GALNT18: variants seen among roughly 807,000 people sequenced by gnomAD.
The protein encoded by GALNT18 is GalNAc-transferase 18.
In GALNT18, 44 loss-of-function variants were observed where a neutral mutation model predicts 69.5. The ratio of observed to expected loss-of-function variants is 0.63; its 90% CI spans 0.50 to 0.81. GALNT18 has a LOEUF of 0.81. Among genes scored for constraint, GALNT18 ranks in the 40% least tolerant of loss-of-function variants. The probability of loss-of-function intolerance (pLI) is 0.00; values close to 1 mark genes in which losing one functional copy is unlikely to be tolerated. For synonymous variants in GALNT18, 364 were observed against 318.2 expected (o/e 1.14, Z -1.53); for missense variants, 715 against 810.0 (o/e 0.88, Z 1.42).
intron 3 of GALNT18, among the ~76,000 whole-genome samples, chr11:11,384,344 T>A (rs1426971872): frequency 1.3e-5 from 2 of 152,114 alleles, no homozygotes; most frequent in African/African-American, 2.4e-5. Context: ...TTCTTCACAG[T>A]TCTGGAGCCT....
At chr11:11,344,226 C>G (rs1463759267) in intron 6 of GALNT18, among the ~76,000 whole-genome samples, 2 of 148,152 alleles carry the variant, frequency 1.3e-5, no homozygotes, top group African/African-American at 2.5e-5. Context: ...ATGCTGTAGC[C>G]ACGCTATTTT....
intron 9 of GALNT18, among the ~76,000 whole-genome samples, chr11:11,306,804 C>T (rs1216224450): frequency 4.7e-5 from 7 of 150,234 alleles, no homozygotes; most frequent in Admixed American, 1.4e-4. Flanking sequence ...AATGTGACTG[C>T]GCAGCTCTTC....
chr11:11,392,473 G>T (rs1217161260), intron 3 of GALNT18, among the ~76,000 whole-genome samples: 1 of 152,158 alleles, frequency 6.6e-6, no homozygotes, highest in African/African-American at 2.4e-5. Context: ...TACAAAACTA[G>T]CTGGGTGTGG....
intron 5 of GALNT18, among the ~76,000 whole-genome samples, chr11:11,376,331 G>A (rs895450503): frequency 1.3e-5 from 2 of 152,100 alleles, no homozygotes; most frequent in Admixed American, 6.5e-5. Context: ...TCATTGAGCC[G>A]AGATCACGCC....
chr11:11,479,921 G>T (rs937353279), intron 1 of GALNT18, among the ~76,000 whole-genome samples: 3 of 152,164 alleles, frequency 2.0e-5, no homozygotes, highest in Non-Finnish European at 2.9e-5. Flanking sequence ...AAATTGCACT[G>T]TGGAGAGGTA....
At chr11:11,534,495 A>G (rs764693032) in intron 1 of GALNT18, among the ~76,000 whole-genome samples, 8 of 152,220 alleles carry the variant, frequency 5.3e-5, no homozygotes, top group Non-Finnish European at 1.2e-4. Context: ...TGCAAAAGTG[A>G]ATATAACACA....
chr11:11,273,965 C>T (rs547010412), intron 10 of GALNT18, among the ~76,000 whole-genome samples: 10 of 152,264 alleles, frequency 6.6e-5, no homozygotes, highest in Admixed American at 2.0e-4. Context: ...GTGATTTCTG[C>T]GTTTCCAACT....
intron 10 of GALNT18, among the ~76,000 whole-genome samples, chr11:11,292,421 C>T (rs1849317430): frequency 6.6e-6 from 1 of 152,192 alleles, no homozygotes; most frequent in African/African-American, 2.4e-5. Flanking sequence ...CCTGAATTAA[C>T]AGAGACTTAA....
At chr11:11,352,800 C>T (rs769966662) in intron 6 of GALNT18, 28 of 1,613,976 alleles carry the variant, frequency 1.7e-5, no homozygotes, top group Admixed American at 3.3e-5. Flanking sequence ...GGCGGGGGTT[C>T]GTGACACAGG....
chr11:11,570,668 C>T (rs1004351735), intron 1 of GALNT18, among the ~76,000 whole-genome samples: 6 of 152,216 alleles, frequency 3.9e-5, no homozygotes, highest in Non-Finnish European at 8.8e-5. Context: ...TTCTCTCACA[C>T]GCTCCATTTT....
At chr11:11,612,106 C>T (rs868015552) in intron 1 of GALNT18, among the ~76,000 whole-genome samples, 4 of 152,168 alleles carry the variant, frequency 2.6e-5, no homozygotes, top group African/African-American at 7.2e-5. Flanking sequence ...CCCTTCTTGG[C>T]TCTACCACCC....
At chr11:11,558,079 T>C (rs1858375382) in intron 1 of GALNT18, among the ~76,000 whole-genome samples, 1 of 152,194 alleles carries the variant, frequency 6.6e-6, no homozygotes, top group South Asian at 2.1e-4. Context: ...AGGGCCAACC[T>C]TCCTGGATAA....
intron 3 of GALNT18, among the ~76,000 whole-genome samples, chr11:11,401,191 T>G (rs977642466): frequency 6.6e-6 from 1 of 152,148 alleles, no homozygotes; most frequent in Non-Finnish European, 1.5e-5. Context: ...TCTGGATCCT[T>G]TGCAAACCCA....
chr11:11,276,699 T>C (rs571063906), intron 10 of GALNT18, among the ~76,000 whole-genome samples: 16 of 151,882 alleles, frequency 1.1e-4, no homozygotes, highest in African/African-American at 3.9e-4. Context: ...ATACCTAGTT[T>C]ATTGAGAGTG....
At position 11,619,367 on chromosome 11, in the gene GALNT18, T is replaced by G. The variant is rs1055953330; in HGVS notation, c.235+1992A>C. 1.4e-4 allele frequency among the ~76,000 whole-genome samples: 21 copies of G among 152,174 alleles called. No individual in the cohort carries two copies. The highest frequency in any genetic ancestry group is 5.2e-4 in the Admixed American group (8 of 15,284). ...TTTGAAAGTGCTGAACAACACATAG[T>G]TATAAAGTTTCCGGGGAGAAAAATC... On this transcript the variant is annotated intron_variant, in intron 1 of 10. Coordinates refer to ENST00000227756, the MANE Select transcript of GALNT18 (RefSeq NM_198516.3). The surrounding 1 kb of genome is among the most constrained non-coding windows in gnomAD (Gnocchi z 4.9).
rs1372049364 is a variant in GALNT18 at position 11,547,412 on chromosome 11, C to T, written c.235+73947G>A. ...TCAAAGCCAGCTACAGATAATAAGG[C>T]CTGTGGGACCAGGCACTCGGGGTGG... On this transcript the variant is annotated intron_variant, in intron 1 of 10. Coordinates refer to ENST00000227756, the MANE Select transcript of GALNT18 (RefSeq NM_198516.3). 5.9e-5 allele frequency among the ~76,000 whole-genome samples: 9 copies of T among 152,348 alleles called. No homozygotes were observed. In the South Asian group the frequency reaches 1.0e-3, roughly 18 times the overall value.
chr11:11,277,475 A>G (rs1407582191), intron 10 of GALNT18, among the ~76,000 whole-genome samples: 20 of 151,908 alleles, frequency 1.3e-4, no homozygotes, highest in Admixed American at 1.3e-3. Flanking sequence ...TGATTGTTTG[A>G]AGGGTTTTTC....
At chr11:11,323,972 T>A (rs994733131) in intron 9 of GALNT18, among the ~76,000 whole-genome samples, 4 of 152,124 alleles carry the variant, frequency 2.6e-5, no homozygotes, top group Non-Finnish European at 5.9e-5. Flanking sequence ...TTAAGTGAGG[T>A]CACAGGGATA....
intron 1 of GALNT18, among the ~76,000 whole-genome samples, chr11:11,493,765 T>C (rs556468454): frequency 2.0e-5 from 3 of 152,292 alleles, no homozygotes; most frequent in African/African-American, 7.2e-5. Flanking sequence ...GCTCTGGAAC[T>C]TCAGAACGGA....
Sources: gnomAD v4.1 joint callset for allele counts (sites outside exome capture counted in the v4.1 genomes callset) on GRCh38, gnomAD v4.1.1 for gene constraint, Gnocchi (gnomAD v3.1) non-coding constraint, MANE v1.5 for transcripts, NCBI Gene and HGNC (gene_info 2026-07-23, HGNC 2026-07-21) for gene names.